The following SCFD1 variants were observed in gnomAD, a reference collection of about 807,000 sequenced individuals.
SCFD1 encodes the protein sec1 family domain containing 1.
A neutral mutation model predicts 103.2 loss-of-function variants in SCFD1; 37 were observed. That is an observed-to-expected ratio of 0.36 (90% CI 0.28 to 0.47). The LOEUF (loss-of-function observed/expected upper bound fraction) is 0.47, where lower values mean the gene tolerates loss of function less well. Ranked by LOEUF, SCFD1 falls within the 20% of genes least tolerant of loss-of-function variation. SCFD1 has a pLI of 1.00. For synonymous variants in SCFD1, 264 were observed against 245.0 expected (o/e 1.08, Z -0.73); for missense variants, 639 against 761.2 (o/e 0.84, Z 1.89).
chr14:30,660,302 C>G (rs1555351021), intron 10 of SCFD1, among the ~76,000 whole-genome samples: 1 of 152,144 alleles, frequency 6.6e-6, no homozygotes, highest in Non-Finnish European at 1.5e-5. Context: ...TTTCTGTAAA[C>G]TAATTGATTG....
intron 6 of SCFD1, among the ~76,000 whole-genome samples, chr14:30,641,128 C>A (rs1885228017): frequency 6.6e-6 from 1 of 152,184 alleles, no homozygotes; most frequent in South Asian, 2.1e-4. Flanking sequence ...CAGGCAGTCT[C>A]ACTCCAGAGA....
chr14:30,699,539 A>G (rs1424263703), intron 15 of SCFD1, among the ~76,000 whole-genome samples: 3 of 152,224 alleles, frequency 2.0e-5, no homozygotes, highest in Non-Finnish European at 4.4e-5. Context: ...GCAAGACATT[A>G]CTTTGAAGTC....
At chr14:30,659,839 C>T (rs1184552924) in intron 10 of SCFD1, among the ~76,000 whole-genome samples, 1 of 151,970 alleles carries the variant, frequency 6.6e-6, no homozygotes, top group African/African-American at 2.4e-5. Context: ...GTGGGTTGTA[C>T]TTCATATTTT....
chr14:30,655,322 A>T (rs114827858), intron 10 of SCFD1, among the ~76,000 whole-genome samples: 1,666 of 152,298 alleles, frequency 0.011, 27 homozygotes, highest in African/African-American at 0.038. Flanking sequence ...GGGCAGCCAG[A>T]TGGCTACAAT....
At chr14:30,658,285 A>G (rs1160163922) in intron 10 of SCFD1, 1 of 160,738 alleles carries the variant, frequency 6.2e-6, no homozygotes, top group Non-Finnish European at 1.4e-5. Context: ...GACTTTAATT[A>G]AAGTTTACCT....
intron 16 of SCFD1, among the ~76,000 whole-genome samples, 168 bp downstream of exon 16, chr14:30,700,426 A>G (rs1177585451): frequency 6.6e-6 from 1 of 152,140 alleles, no homozygotes; most frequent in Non-Finnish European, 1.5e-5. Context: ...TAATCCCAAC[A>G]CTTTGGGAGG....
At chr14:30,664,216 A>G (rs1256247972) in intron 10 of SCFD1, among the ~76,000 whole-genome samples, 1 of 152,120 alleles carries the variant, frequency 6.6e-6, no homozygotes, top group Admixed American at 6.6e-5. Flanking sequence ...GTTCTGCAAC[A>G]TTTGCTGTTC....
At chr14:30,661,161 A>T (rs896318112) in intron 10 of SCFD1, among the ~76,000 whole-genome samples, 1 of 152,178 alleles carries the variant, frequency 6.6e-6, no homozygotes, top group African/African-American at 2.4e-5. Context: ...GTAAAATTAC[A>T]TTAGTGACTG....
At chr14:30,689,820 C>G (rs1890102545) in intron 14 of SCFD1, among the ~76,000 whole-genome samples, 1 of 140,454 alleles carries the variant, frequency 7.1e-6, no homozygotes, top group Non-Finnish European at 1.5e-5. Flanking sequence ...TCGTCAAAAT[C>G]ATTCTCCATC....
intron 10 of SCFD1, among the ~76,000 whole-genome samples, chr14:30,655,724 A>T (rs933139910): frequency 6.6e-6 from 1 of 152,260 alleles, no homozygotes; most frequent in Non-Finnish European, 1.5e-5. Flanking sequence ...GAGAACTCAA[A>T]GATGACTCCA....
At chr14:30,622,526 C>T (rs773006096) in intron 1 of SCFD1, 127 bp downstream of exon 1, 117 of 1,409,286 alleles carry the variant, frequency 8.3e-5, no homozygotes, top group Non-Finnish European at 1.0e-4. Context: ...TCAAGAGCCC[C>T]TCCCCTTTGA....
chr14:30,634,231 A>T (rs1884475995), intron 4 of SCFD1, among the ~76,000 whole-genome samples, 194 bp downstream of exon 4: 3 of 152,154 alleles, frequency 2.0e-5, no homozygotes, highest in Non-Finnish European at 2.9e-5. Flanking sequence ...ATTATACAGT[A>T]GTCCTCTCAT....
chr14:30,705,137 T>C (rs1416870277), intron 17 of SCFD1, among the ~76,000 whole-genome samples: 1 of 152,148 alleles, frequency 6.6e-6, no homozygotes, highest in Non-Finnish European at 1.5e-5. Context: ...TGCAATTAAG[T>C]GTAAAATCTG....
At chr14:30,644,500 C>T (rs28798220) in intron 7 of SCFD1, among the ~76,000 whole-genome samples, 5,586 of 152,268 alleles carry the variant, frequency 0.037, 327 homozygotes, top group African/African-American at 0.12. Flanking sequence ...TCTGCAACCT[C>T]GCCAACATCT....
chr14:30,731,415 G>A (rs1893455931), intron 23 of SCFD1, among the ~76,000 whole-genome samples: 1 of 152,132 alleles, frequency 6.6e-6, no homozygotes, highest in Non-Finnish European at 1.5e-5. Flanking sequence ...GATGGGGATG[G>A]CATTGAATCT....
chr14:30,649,401 ATAAAATCGTGTG>A, intron 7 of SCFD1, 115 bp from the exon 8 acceptor site: 3 of 666,756 alleles, frequency 4.5e-6, no homozygotes, highest in South Asian at 3.8e-5. Context: ...AAATAAATAC[ATAAAATCGTGTG>A]TAACGTGAAA....
At chr14:30,731,800 CAG>C (rs1217178762) in intron 23 of SCFD1, among the ~76,000 whole-genome samples, 3 of 152,178 alleles carry the variant, frequency 2.0e-5, no homozygotes, top group African/African-American at 4.8e-5. Flanking sequence ...CATCTGCAAA[CAG>C]GGACAATTTG....
intron 23 of SCFD1, among the ~76,000 whole-genome samples, chr14:30,730,753 CTT>C (rs1348437337): frequency 6.6e-6 from 1 of 152,122 alleles, no homozygotes; most frequent in African/African-American, 2.4e-5. Flanking sequence ...GATATTAGCC[CTT>C]TGTCAGATGA....
intron 10 of SCFD1, among the ~76,000 whole-genome samples, chr14:30,667,096 C>T (rs1001055857): frequency 2.0e-5 from 3 of 152,046 alleles, no homozygotes; most frequent in Non-Finnish European, 4.4e-5. Flanking sequence ...GGCAGAGACA[C>T]AACAAAAAAC....
Sources: gnomAD v4.1 joint callset for allele counts (sites outside exome capture counted in the v4.1 genomes callset) on GRCh38, gnomAD v4.1.1 for gene constraint, MANE v1.5 for transcripts, NCBI Gene and HGNC (gene_info 2026-07-23, HGNC 2026-07-21) for gene names.